LGR5: variants seen among roughly 807,000 people sequenced by gnomAD.
The protein encoded by LGR5 is leucine-rich repeat-containing G protein-coupled receptor 5.
Under a neutral mutation model 76.7 loss-of-function variants are expected in LGR5, and 54 were observed. The observed-to-expected ratio is 0.70, with a 90% CI of 0.57 to 0.88. The LOEUF (loss-of-function observed/expected upper bound fraction) is 0.88, where lower values mean the gene tolerates loss of function less well. Ranked by LOEUF, LGR5 falls within the 40% of genes least tolerant of loss-of-function variation. LGR5 has a pLI of 0.00. For missense variants in LGR5, 1,078 were observed against 1,073.3 expected (o/e 1.00, Z -0.06); for synonymous variants, 406 against 421.9 (o/e 0.96, Z 0.46).
In LGR5 at chr12:71,535,075, A is replaced by AT. The variant is rs762933076; in HGVS notation, c.357-32dup. ...GCCTTGTTTAGGCCTGTTATTGTTC[A>AT]TTTTTTTTAACATTTTTCTTTATTT... On this transcript the variant is annotated intron_variant, in intron 3 of 17. Transcript: ENST00000266674. 2.5e-4 allele frequency: 362 copies of AT among 1,449,024 alleles called. 1 individual carries two copies. The highest frequency in any genetic ancestry group is 9.6e-4 in the East Asian group (42 of 43,972). 89.8% of individuals were successfully genotyped at this position (1,449,024 alleles called of 1,614,324 possible). A position where few individuals can be genotyped will look rare whatever the true frequency, so the allele number is the denominator to read the frequency against.
intron 1 of LGR5, among the ~76,000 whole-genome samples, chr12:71,489,892 A>T (rs963051004): frequency 6.6e-6 from 1 of 151,964 alleles, no homozygotes; most frequent in Non-Finnish European, 1.5e-5. Flanking sequence ...GTGAGAAGCC[A>T]TCTCTGCAGA....
intron 4 of LGR5, among the ~76,000 whole-genome samples, chr12:71,545,084 C>A (rs982729004): frequency 4.6e-5 from 7 of 151,772 alleles, no homozygotes; most frequent in Non-Finnish European, 7.4e-5. Flanking sequence ...CCAGCCTAGG[C>A]AACATGGCAA....
At position 71,566,720 on chromosome 12, in the gene LGR5, T is replaced by C. The variant is rs376618532; in HGVS notation, c.998+20T>C. 95 of 1,605,694 alleles carry C rather than the reference T, an allele frequency of 5.9e-5. No individual in the cohort carries two copies. The highest frequency in any genetic ancestry group is 7.7e-5 in the Non-Finnish European group (90 of 1,172,540). On this transcript the variant is annotated intron_variant, in intron 10 of 17. Coordinates refer to ENST00000266674, the MANE Select transcript of LGR5 (RefSeq NM_003667.4). ...GAGTCTGTAAGTACTGAGTAGACTC[T>C]TGACTTTGCCCAGAACATACACTGC...
intron 1 of LGR5, among the ~76,000 whole-genome samples, chr12:71,478,317 G>A (rs746498847): frequency 1.4e-4 from 22 of 152,182 alleles, no homozygotes; most frequent in Non-Finnish European, 2.9e-4. Context: ...GTTAAGGAAA[G>A]ACAGATGACC....
At chr12:71,508,126 G>A (rs1314851835) in intron 2 of LGR5, among the ~76,000 whole-genome samples, 1 of 152,004 alleles carries the variant, frequency 6.6e-6, no homozygotes, top group African/African-American at 2.4e-5. Flanking sequence ...TACTCGGGAG[G>A]CTGAGGCAAG....
intron 6 of LGR5, 118 bp from the exon 7 acceptor site, chr12:71,559,468 A>T: frequency 1.7e-6 from 1 of 591,944 alleles, no homozygotes; most frequent in South Asian, 2.3e-5. Context: ...AAAGAAAAGC[A>T]GTGAGAACTT....
intron 1 of LGR5, among the ~76,000 whole-genome samples, chr12:71,482,045 A>G (rs986047906): frequency 6.6e-6 from 1 of 152,184 alleles, no homozygotes; most frequent in Admixed American, 6.6e-5. Flanking sequence ...TTTATGGTAT[A>G]AAAGGAAAGT....
chr12:71,577,459 G>A (rs1397122279), intron 13 of LGR5, among the ~76,000 whole-genome samples: 1 of 152,028 alleles, frequency 6.6e-6, no homozygotes, highest in African/African-American at 2.4e-5. Flanking sequence ...AAATTTTCTT[G>A]AAAGCATCTT....
intron 2 of LGR5, among the ~76,000 whole-genome samples, chr12:71,516,162 A>AT (rs987969153): frequency 4.6e-5 from 7 of 151,866 alleles, no homozygotes; most frequent in East Asian, 1.9e-4. Context: ...TGCAAGTGTA[A>AT]TTTTTTTTTA....
chr12:71,547,903 T>C (rs779479630), intron 4 of LGR5, among the ~76,000 whole-genome samples: 3 of 152,324 alleles, frequency 2.0e-5, no homozygotes, highest in Admixed American at 6.5e-5. Context: ...TGGCTGTAGA[T>C]GGCATAAGAT....
At chr12:71,487,197 A>G in intron 1 of LGR5, among the ~76,000 whole-genome samples, 1 of 152,224 alleles carries the variant, frequency 6.6e-6, no homozygotes, top group East Asian at 1.9e-4. Flanking sequence ...TTGAATGGTT[A>G]TGGTTTAAAT....
intron 1 of LGR5, among the ~76,000 whole-genome samples, chr12:71,483,499 G>A (rs961565102): frequency 6.6e-6 from 1 of 152,138 alleles, no homozygotes; most frequent in African/African-American, 2.4e-5. Flanking sequence ...TACTTCTTAA[G>A]AGTGAAAATG....
At chr12:71,523,320 CAAAA>C (rs1875815525) in intron 2 of LGR5, among the ~76,000 whole-genome samples, 1 of 152,018 alleles carries the variant, frequency 6.6e-6, no homozygotes. Flanking sequence ...ACTGGACCAA[CAAAA>C]TCCTTATCCC....
At chr12:71,548,990 G>A (rs967456226) in intron 4 of LGR5, among the ~76,000 whole-genome samples, 5 of 152,206 alleles carry the variant, frequency 3.3e-5, no homozygotes, top group Non-Finnish European at 5.9e-5. Flanking sequence ...GTACCAGATA[G>A]TGATGTTTAT....
At chr12:71,507,429 C>T (rs1202861914) in intron 2 of LGR5, among the ~76,000 whole-genome samples, 1 of 151,986 alleles carries the variant, frequency 6.6e-6, no homozygotes, top group Admixed American at 6.6e-5. Flanking sequence ...ATATATGTGT[C>T]TGTGTCTGTG....
intron 2 of LGR5, among the ~76,000 whole-genome samples, chr12:71,514,191 G>A (rs1008838436): frequency 1.3e-5 from 2 of 152,136 alleles, no homozygotes; most frequent in Admixed American, 1.3e-4. Flanking sequence ...TGTATAGAAT[G>A]TATCTTATAG....
At chr12:71,550,493 C>G (rs1362076151) in intron 4 of LGR5, among the ~76,000 whole-genome samples, 2 of 125,688 alleles carry the variant, frequency 1.6e-5, no homozygotes, top group Middle Eastern at 0.012. Context: ...CAGAGTCTCA[C>G]TCTGTTGGCC....
chr12:71,527,939 A>T (rs1416245902), intron 3 of LGR5, among the ~76,000 whole-genome samples: 1 of 152,210 alleles, frequency 6.6e-6, no homozygotes, highest in Non-Finnish European at 1.5e-5. Context: ...ATTCTCCCTT[A>T]TTCTGGCTTC....
intron 12 of LGR5, 87 bp downstream of exon 12, chr12:71,571,666 G>T (rs781044015): frequency 3.3e-6 from 3 of 911,670 alleles, no homozygotes; most frequent in Non-Finnish European, 5.3e-6. Flanking sequence ...TTACCCTGTG[G>T]TTCACTGGGG....
Sources: gnomAD v4.1 joint callset for allele counts (sites outside exome capture counted in the v4.1 genomes callset) on GRCh38, gnomAD v4.1.1 for gene constraint, MANE v1.5 for transcripts, NCBI Gene and HGNC (gene_info 2026-07-23, HGNC 2026-07-21) for gene names.